SEMA6D: variants seen among roughly 807,000 people sequenced by gnomAD.
The protein encoded by SEMA6D is semaphorin-6D.
In SEMA6D, 35 loss-of-function variants were observed where a neutral mutation model predicts 106.6. The ratio of observed to expected loss-of-function variants is 0.33; its 90% confidence interval spans 0.25 to 0.44. The LOEUF is 0.44. Ranked by LOEUF, SEMA6D falls within the 20% of genes least tolerant of loss-of-function variation. The pLI, the probability that SEMA6D is intolerant of heterozygous loss-of-function variation, is 1.00. For synonymous variants in SEMA6D, 499 were observed against 487.7 expected (o/e 1.02, Z -0.31); for missense variants, 1,185 against 1,345.9 (o/e 0.88, Z 1.87).
At chr15:47,614,912 A>G (rs2076978885) in intron 4 of SEMA6D, among the ~76,000 whole-genome samples, 1 of 152,220 alleles carries the variant, frequency 6.6e-6, no homozygotes. Context: ...ATTAAATGAG[A>G]TAACATTTCT....
intron 1 of SEMA6D, among the ~76,000 whole-genome samples, chr15:47,373,382 C>A (rs1285644171): frequency 2.6e-5 from 4 of 152,146 alleles, no homozygotes; most frequent in Admixed American, 2.6e-4. Flanking sequence ...ATGCAATATA[C>A]CCCATATATG....
chr15:47,746,651 C>G (rs1238225943), intron 1 of SEMA6D, among the ~76,000 whole-genome samples: 1 of 152,196 alleles, frequency 6.6e-6, no homozygotes, highest in African/African-American at 2.4e-5. Flanking sequence ...GCCCTAATAT[C>G]CTGAACAGAA....
intron 3 of SEMA6D, among the ~76,000 whole-genome samples, chr15:47,535,222 T>A (rs1177330751): frequency 6.6e-6 from 1 of 152,166 alleles, no homozygotes; most frequent in Admixed American, 6.5e-5. Flanking sequence ...ATGTGATGCT[T>A]ACTTATGTGT....
At chr15:47,539,238 C>T (rs896849363) in intron 3 of SEMA6D, among the ~76,000 whole-genome samples, 3 of 152,260 alleles carry the variant, frequency 2.0e-5, no homozygotes, top group African/African-American at 7.2e-5. Context: ...TTTCTACTAA[C>T]GTGTTTACAA....
intron 4 of SEMA6D, among the ~76,000 whole-genome samples, chr15:47,698,881 C>G (rs181471842): frequency 1.3e-5 from 2 of 152,096 alleles, no homozygotes; most frequent in Non-Finnish European, 1.5e-5. Flanking sequence ...GATCCCTAGA[C>G]AGTATGATTT....
intron 3 of SEMA6D, among the ~76,000 whole-genome samples, chr15:47,477,773 A>T (rs2043042217): frequency 6.6e-6 from 1 of 152,266 alleles, no homozygotes; most frequent in African/African-American, 2.4e-5. Flanking sequence ...TCATTGGTAA[A>T]GCTGGATAAA....
chr15:47,396,817 G>A (rs2040226983), intron 1 of SEMA6D: 1 of 152,002 alleles, frequency 6.6e-6, no homozygotes, highest in Non-Finnish European at 1.5e-5. Context: ...TCCTCACAGG[G>A]GCCCAGTGCA....
At chr15:47,432,466 A>T (rs1421105393) in intron 2 of SEMA6D, among the ~76,000 whole-genome samples, 5 of 145,086 alleles carry the variant, frequency 3.4e-5, no homozygotes, top group African/African-American at 1.3e-4. Context: ...TTCTTTCCAT[A>T]AACACACACA....
chr15:47,618,856 G>A (rs1298550792), intron 4 of SEMA6D, among the ~76,000 whole-genome samples: 1 of 152,158 alleles, frequency 6.6e-6, no homozygotes, highest in Non-Finnish European at 1.5e-5. Flanking sequence ...TTCTTAGGGA[G>A]GTTTTGAAGA....
intron 2 of SEMA6D, among the ~76,000 whole-genome samples, chr15:47,466,640 T>C (rs2042669300): frequency 1.3e-5 from 2 of 152,132 alleles, no homozygotes; most frequent in Non-Finnish European, 2.9e-5. Flanking sequence ...ATCTCTTTAA[T>C]GTATCATTAA....
intron 3 of SEMA6D, among the ~76,000 whole-genome samples, chr15:47,552,522 G>T (rs866725438): frequency 2.0e-5 from 1 of 49,750 alleles, no homozygotes; most frequent in African/African-American, 4.3e-5. Context: ...GTATATATAT[G>T]TATACACACA....
At chr15:47,399,078 A>G (rs1011347812) in intron 1 of SEMA6D, among the ~76,000 whole-genome samples, 5 of 152,202 alleles carry the variant, frequency 3.3e-5, no homozygotes, top group African/African-American at 1.2e-4. Flanking sequence ...ATAGTTTACA[A>G]ATTCACAGGC....
intron 2 of SEMA6D, among the ~76,000 whole-genome samples, chr15:47,414,542 G>A (rs281213): frequency 0.61 from 93,391 of 152,032 alleles, 29,385 homozygotes; most frequent in Middle Eastern, 0.7. Context: ...CTGGACCACA[G>A]AAGTCATCAT....
At chr15:47,409,175 C>G (rs2040699451) in intron 1 of SEMA6D, among the ~76,000 whole-genome samples, 1 of 152,204 alleles carries the variant, frequency 6.6e-6, no homozygotes, top group Non-Finnish European at 1.5e-5. Flanking sequence ...TTGTAGACAG[C>G]TTTTTCTTGC....
intron 1 of SEMA6D, among the ~76,000 whole-genome samples, chr15:47,365,717 C>T (rs1228357865): frequency 3.3e-5 from 5 of 151,946 alleles, no homozygotes; most frequent in South Asian, 2.1e-4. Flanking sequence ...AAAAATTAGC[C>T]GGGCATGGTG....
At chr15:47,381,544 G>A (rs1046436313) in intron 1 of SEMA6D, among the ~76,000 whole-genome samples, 1 of 152,190 alleles carries the variant, frequency 6.6e-6, no homozygotes, top group African/African-American at 2.4e-5. Flanking sequence ...TCAATGGGAA[G>A]AGGGTCCTTC....
chr15:47,698,104 C>T (rs148091107), intron 4 of SEMA6D, among the ~76,000 whole-genome samples: 100 of 152,280 alleles, frequency 6.6e-4, no homozygotes, highest in African/African-American at 2.4e-3. Flanking sequence ...TTTCATTTCT[C>T]CTCAAAATGG....
intron 3 of SEMA6D, among the ~76,000 whole-genome samples, chr15:47,512,884 G>A (rs947405954): frequency 1.3e-5 from 2 of 152,136 alleles, no homozygotes; most frequent in Non-Finnish European, 2.9e-5. Flanking sequence ...TAGATCCTGG[G>A]GCAGGGATTA....
chr15:47,239,663 A>G (rs2032782879), intron 1 of SEMA6D, among the ~76,000 whole-genome samples: 3 of 152,026 alleles, frequency 2.0e-5, no homozygotes, highest in South Asian at 4.2e-4. Flanking sequence ...GCAGTGTGTA[A>G]GAGCCTGGCT....
Sources: gnomAD v4.1 joint callset for allele counts (sites outside exome capture counted in the v4.1 genomes callset) on GRCh38, gnomAD v4.1.1 for gene constraint, MANE v1.5 for transcripts, NCBI Gene and HGNC (gene_info 2026-07-23, HGNC 2026-07-21) for gene names.